Variants in CD9 observed in about 807,000 individuals in gnomAD.
CD9 encodes CD9 antigen.
CD9 carries 10 observed loss-of-function variants against 31.4 expected under a neutral mutation model. The observed-to-expected ratio is 0.32, with a 90% confidence interval of 0.20 to 0.54. CD9 has a LOEUF of 0.54. Among genes scored for constraint, CD9 ranks in the 20% least tolerant of loss-of-function variants. The probability of loss-of-function intolerance (pLI) is 0.94; values close to 1 mark genes in which losing one functional copy is unlikely to be tolerated. For synonymous variants in CD9, 113 were observed against 114.1 expected, an observed-to-expected ratio of 0.99 and a Z score of 0.06; for missense variants, 259 against 300.1, an observed-to-expected ratio of 0.86 and a Z score of 1.01.
At chr12:6,216,748 C>G (rs2268013) in intron 1 of CD9, among the ~76,000 whole-genome samples, 97,801 of 151,936 alleles carry the variant, frequency 0.64, 31,777 homozygotes, top group African/African-American at 0.74. Context: ...GACTCCCACA[C>G]AAACCAGGAA....
intron 5 of CD9, 36 bp from the exon 6 acceptor site, chr12:6,235,440 G>A: frequency 6.2e-7 from 1 of 1,613,460 alleles, no homozygotes; most frequent in South Asian, 1.1e-5. Context: ...CTTACAATTT[G>A]TTTCTCTCAT....
At chr12:6,231,080 G>T (rs1254473735) in intron 2 of CD9, among the ~76,000 whole-genome samples, 1 of 152,214 alleles carries the variant, frequency 6.6e-6, no homozygotes, top group Non-Finnish European at 1.5e-5. Context: ...GTGTCCTGCT[G>T]TGTATTGTGG....
chr12:6,208,593 T>C (rs541225931), intron 1 of CD9, among the ~76,000 whole-genome samples: 2 of 152,210 alleles, frequency 1.3e-5, no homozygotes, highest in South Asian at 2.1e-4. Context: ...TTTTTTGAGG[T>C]GGAGTTTCAC....
intron 1 of CD9, among the ~76,000 whole-genome samples, chr12:6,203,363 T>C (rs1241696890): frequency 6.6e-6 from 1 of 152,218 alleles, no homozygotes; most frequent in African/African-American, 2.4e-5. Context: ...TCCGTTTCTC[T>C]CTTGAGACCA....
At chr12:6,212,425 C>A (rs549588404) in intron 1 of CD9, among the ~76,000 whole-genome samples, 1 of 152,234 alleles carries the variant, frequency 6.6e-6, no homozygotes, top group Non-Finnish European at 1.5e-5. Flanking sequence ...AGGGAATGTT[C>A]TCTTGTAAAG....
At chr12:6,201,874 C>T (rs369307293) in intron 1 of CD9, among the ~76,000 whole-genome samples, 135 of 152,044 alleles carry the variant, frequency 8.9e-4, no homozygotes, top group Admixed American at 2.3e-3. Flanking sequence ...CCCATCTCCA[C>T]AAAAAAATAA....
At chr12:6,219,126 C>T (rs1946268790) in intron 1 of CD9, among the ~76,000 whole-genome samples, 1 of 152,096 alleles carries the variant, frequency 6.6e-6, no homozygotes, top group Non-Finnish European at 1.5e-5. Context: ...CTGCCTCAGC[C>T]TCCCAAGTAA....
In CD9 at chr12:6,213,974, G is replaced by A. The variant is rs117761448; in HGVS notation, c.67-11452G>A. The stretch of plus-strand genomic sequence containing the variant: ...CAGAGCATTTTGCCAAATTCAACAC[G>A]TCCAAGCCTCCCACTTGTCCCCCAA... On this transcript the variant is annotated intron_variant, in intron 1 of 7. Transcript: ENST00000009180. Among the ~76,000 whole-genome samples the A allele has an allele frequency of 6.8e-3, 1,029 of 152,278 alleles. 4 individuals carry two copies. The highest frequency in any genetic ancestry group is 0.011 in the Non-Finnish European group (735 of 68,034).
In CD9 at chr12:6,232,485, T is replaced by C; in HGVS notation, c.176-147T>C. On this transcript the variant is annotated intron_variant, in intron 2 of 7. Coordinates refer to ENST00000009180, the MANE Select transcript of CD9 (RefSeq NM_001769.4). The surrounding 1 kb of genome is among the most constrained non-coding windows in gnomAD (Gnocchi z 4.8). ...AGAGGTGGAAGAGGAGGCTGTATTTTAAGGAAAGGGAACTTCTTCCCTGAG... is the reference window on the plus strand; with the variant it reads ...AGAGGTGGAAGAGGAGGCTGTATTTCAAGGAAAGGGAACTTCTTCCCTGAG... The C allele has an allele frequency of 1.5e-6, 1 of 670,604 alleles. No individual in the cohort carries two copies. Among genetic ancestry groups the C allele is most frequent in the Non-Finnish European group, 2.7e-6 (1 of 371,858 alleles). The allele number at this position is 670,604 out of a possible 1,614,324, so 41.5% of individuals were successfully genotyped here.
intron 1 of CD9, among the ~76,000 whole-genome samples, chr12:6,219,302 G>A (rs1255515934): frequency 1.3e-5 from 2 of 151,984 alleles, no homozygotes; most frequent in Admixed American, 6.5e-5. Flanking sequence ...CACCGCACCC[G>A]GCCTGCATGG....
At chr12:6,233,187 C>A in intron 3 of CD9, 1 of 643,838 alleles carries the variant, frequency 1.6e-6, no homozygotes, top group South Asian at 1.8e-5. Flanking sequence ...CTGTGCTCAG[C>A]TCTTTCCTCA....
intron 2 of CD9, among the ~76,000 whole-genome samples, chr12:6,226,531 G>T (rs1311907510): frequency 1.3e-5 from 2 of 152,156 alleles, no homozygotes; most frequent in East Asian, 3.8e-4. Context: ...TCAGGGAGAA[G>T]CAAGGCTGGC....
chr12:6,235,971 T>C (rs1360864892), intron 6 of CD9: 15 of 1,414,626 alleles, frequency 1.1e-5, no homozygotes, highest in Non-Finnish European at 1.4e-5. Context: ...CCCTCCTCCT[T>C]CCCTGACGTC....
chr12:6,212,166 A>G (rs1052816250), intron 1 of CD9, among the ~76,000 whole-genome samples: 1 of 152,210 alleles, frequency 6.6e-6, no homozygotes, highest in Non-Finnish European at 1.5e-5. Flanking sequence ...CGATCTCTGC[A>G]TGGCATGTGC....
At chr12:6,219,733 C>T (rs1290670968) in intron 1 of CD9, among the ~76,000 whole-genome samples, 1 of 152,154 alleles carries the variant, frequency 6.6e-6, no homozygotes, top group East Asian at 1.9e-4. Context: ...GATCCGCCCG[C>T]CTCGGCCTCC....
At chr12:6,230,702 G>A (rs923902462) in intron 2 of CD9, among the ~76,000 whole-genome samples, 2 of 152,222 alleles carry the variant, frequency 1.3e-5, no homozygotes, top group African/African-American at 4.8e-5. Flanking sequence ...CATGCATGGG[G>A]CTGCACAGCC....
rs556849074 is a variant in CD9 at position 6,219,707 on chromosome 12, C to G, written c.67-5719C>G. Among the ~76,000 whole-genome samples, 114 of 151,246 alleles carry G rather than the reference C, an allele frequency of 7.5e-4. 1 individual carries two copies. Among genetic ancestry groups the G allele is most frequent in the African/African-American group, 2.5e-3 (105 of 41,200 alleles). On this transcript the variant is annotated intron_variant, in intron 1 of 7. Transcript: ENST00000009180. ...TCATCATGTTAGCCAGGATGGTCTCCATCTCCTGACCTCATGATCCGCCCG... is the reference window on the plus strand; with the variant it reads ...TCATCATGTTAGCCAGGATGGTCTCGATCTCCTGACCTCATGATCCGCCCG...
intron 1 of CD9, chr12:6,205,976 TTTA>T (rs1450689832): frequency 1.3e-5 from 2 of 152,200 alleles, no homozygotes; most frequent in Admixed American, 1.3e-4. Context: ...TCAGCGGGAC[TTTA>T]TTTGGATCCA....
At chr12:6,219,559 C>T (rs1364808837) in intron 1 of CD9, among the ~76,000 whole-genome samples, 2 of 151,744 alleles carry the variant, frequency 1.3e-5, no homozygotes, top group African/African-American at 4.8e-5. Flanking sequence ...GATCTCGGCT[C>T]ACTGCAAGCT....
Sources: gnomAD v4.1 joint callset for allele counts (sites outside exome capture counted in the v4.1 genomes callset) on GRCh38, gnomAD v4.1.1 for gene constraint, Gnocchi (gnomAD v3.1) non-coding constraint, MANE v1.5 for transcripts, NCBI Gene and HGNC (gene_info 2026-07-23, HGNC 2026-07-21) for gene names.